The following BABAM2 variants were observed in gnomAD, a reference collection of about 807,000 sequenced individuals.
BABAM2 encodes the protein BRISC and BRCA1 A complex member 2, also known as BRISC and BRCA1-A complex member 2.
In BABAM2, 31 loss-of-function variants were observed where a neutral mutation model predicts 54.7. The ratio of observed to expected loss-of-function variants is 0.57; its 90% CI spans 0.43 to 0.77. The LOEUF (loss-of-function observed/expected upper bound fraction) is 0.77. Ranked by LOEUF, BABAM2 falls within the 30% of genes least tolerant of loss-of-function variation. The pLI is 0.00. For synonymous variants in BABAM2, 167 were observed against 162.9 expected, an observed-to-expected ratio of 1.03 and a Z score of -0.19; for missense variants, 364 against 455.8, an observed-to-expected ratio of 0.80 and a Z score of 1.83.
At chr2:28,284,407 A>C (rs1441116638) in intron 10 of BABAM2, among the ~76,000 whole-genome samples, 2 of 152,058 alleles carry the variant, frequency 1.3e-5, no homozygotes, top group African/African-American at 2.4e-5. Context: ...AAAAAAAAAA[A>C]ACACTCACAA....
At chr2:27,940,755 A>T (rs1180301036) in intron 3 of BABAM2, among the ~76,000 whole-genome samples, 1 of 152,214 alleles carries the variant, frequency 6.6e-6, no homozygotes, top group Non-Finnish European at 1.5e-5. Flanking sequence ...CTTTGTAAGG[A>T]ATCAAGTAAA....
intron 3 of BABAM2, among the ~76,000 whole-genome samples, chr2:27,948,260 AG>A (rs756463429): frequency 1.3e-5 from 2 of 151,962 alleles, no homozygotes; most frequent in Non-Finnish European, 2.9e-5. Context: ...TGATATATAG[AG>A]ATACAGTTGA....
At chr2:28,263,470 A>G (rs77694125) in intron 10 of BABAM2, among the ~76,000 whole-genome samples, 7,269 of 152,266 alleles carry the variant, frequency 0.048, 216 homozygotes, top group Non-Finnish European at 0.06. Flanking sequence ...AAGCTTCCCA[A>G]TCCATGTGCT....
intron 7 of BABAM2, among the ~76,000 whole-genome samples, chr2:28,227,162 A>G (rs1347918335): frequency 6.6e-6 from 1 of 151,946 alleles, no homozygotes; most frequent in Non-Finnish European, 1.5e-5. Context: ...TCTCCAGAAC[A>G]TCTCTCACTT....
At chr2:27,926,002 C>A (rs758213744) in intron 2 of BABAM2, among the ~76,000 whole-genome samples, 1 of 152,090 alleles carries the variant, frequency 6.6e-6, no homozygotes, top group Non-Finnish European at 1.5e-5. Flanking sequence ...GTGATACCAT[C>A]TACAAATGCA....
rs537770905 is a variant in BABAM2, at chr2:28,068,539, C to T, written c.570+22740C>T. On this transcript the variant is annotated intron_variant, in intron 6 of 11. Coordinates refer to ENST00000379624, the MANE Select transcript of BABAM2 (RefSeq NM_199191.3). The stretch of plus-strand genomic sequence containing the variant: ...GTTTAATTGTGAAGATGGTGAAAAA[C>T]TCTTATATTCCATTTTGGAAAAATA... 2.0e-5 allele frequency among the ~76,000 whole-genome samples: 3 copies of T among 152,228 alleles called. No homozygotes were observed. The South Asian group carries it at 6.2e-4, about 32-fold the overall frequency.
intron 2 of BABAM2, among the ~76,000 whole-genome samples, chr2:27,922,699 G>GT (rs1667423247): frequency 1.3e-5 from 2 of 152,142 alleles, no homozygotes; most frequent in Non-Finnish European, 2.9e-5. Context: ...ACCAAGATAT[G>GT]TTTTTTGTTC....
chr2:28,202,230 G>A (rs1419499876), intron 7 of BABAM2, among the ~76,000 whole-genome samples: 2 of 152,258 alleles, frequency 1.3e-5, no homozygotes, highest in East Asian at 1.9e-4. Context: ...AATAAAATTC[G>A]TGACCGGGGT....
At chr2:28,319,669 G>A (rs529650461) in intron 11 of BABAM2, among the ~76,000 whole-genome samples, 1 of 152,326 alleles carries the variant, frequency 6.6e-6, no homozygotes, top group East Asian at 1.9e-4. Flanking sequence ...CTGAAGGATC[G>A]GTGCCCCATG....
chr2:28,003,186 C>T (rs537477287), intron 4 of BABAM2, among the ~76,000 whole-genome samples: 2 of 152,240 alleles, frequency 1.3e-5, no homozygotes, highest in East Asian at 3.9e-4. Flanking sequence ...GACATTAAAG[C>T]TTTGTTTTGC....
rs559026244 is a variant in BABAM2 at position 28,312,110 on chromosome 2, GC to G, written c.1088+13621del. Among the ~76,000 whole-genome samples the G allele has an allele frequency of 3.3e-5, 5 of 152,282 alleles. 1 individual carries two copies. In the East Asian group the frequency reaches 9.6e-4, roughly 29 times the overall value. On this transcript the variant is annotated intron_variant, in intron 11 of 11. Coordinates refer to ENST00000379624, the MANE Select transcript of BABAM2 (RefSeq NM_199191.3). ...TGTGGAGTCCAGCCAAGGCAGGAGG[GC>G]CAAGCCGCTTGTTTCTATCACTTCT...
At chr2:28,088,716 G>A (rs1665896686) in intron 6 of BABAM2, among the ~76,000 whole-genome samples, 1 of 152,154 alleles carries the variant, frequency 6.6e-6, no homozygotes, top group Admixed American at 6.5e-5. Flanking sequence ...AAGCTCTCCA[G>A]GGTGATTTCA....
intron 5 of BABAM2, among the ~76,000 whole-genome samples, chr2:28,036,894 CA>C (rs1215664453): frequency 1.3e-5 from 2 of 152,102 alleles, no homozygotes; most frequent in African/African-American, 4.8e-5. Context: ...CCAGTCTAGT[CA>C]AAATAGACTT....
At chr2:28,082,683 C>G (rs1665282637) in intron 6 of BABAM2, among the ~76,000 whole-genome samples, 1 of 152,128 alleles carries the variant, frequency 6.6e-6, no homozygotes, top group Non-Finnish European at 1.5e-5. Flanking sequence ...TACAGGTTTT[C>G]AGAGTATTTT....
chr2:28,312,954 T>C (rs2148286028), intron 11 of BABAM2, among the ~76,000 whole-genome samples: 1 of 152,332 alleles, frequency 6.6e-6, no homozygotes, highest in South Asian at 2.1e-4. Flanking sequence ...CCCTGATTAC[T>C]GGTCCAAAGC....
chr2:28,008,829 T>C (rs1674163785), intron 4 of BABAM2, among the ~76,000 whole-genome samples: 1 of 152,094 alleles, frequency 6.6e-6, no homozygotes, highest in South Asian at 2.1e-4. Context: ...TTCATTACTA[T>C]AGGAGAAGCA....
intron 7 of BABAM2, among the ~76,000 whole-genome samples, chr2:28,170,873 A>G (rs1477017986): frequency 1.3e-5 from 2 of 152,208 alleles, no homozygotes; most frequent in Non-Finnish European, 2.9e-5. Context: ...ATCAAATAGG[A>G]TAAAAGGACT....
rs1281874175 is a variant in BABAM2 at position 28,015,673 on chromosome 2, G to A, written c.301-9553G>A. ...AAAATTCATGCATTTTAGTAAATAT[G>A]TTATAGTTTTCACAGTTGAAATTTC... is the stretch of plus-strand genomic sequence containing the variant. On this transcript the variant is annotated intron_variant, in intron 4 of 11. Transcript: ENST00000379624. 3.7e-6 allele frequency: 3 copies of A among 808,914 alleles called. No homozygotes were observed. The East Asian group carries it at 2.1e-4, about 56-fold the overall frequency. 50.1% of individuals were successfully genotyped at this position (808,914 alleles called of 1,614,324 possible).
Position 28,167,386 on chromosome 2 carries a change from G to A in BABAM2, c.680+38006G>A, listed in dbSNP as rs77243812. Among the ~76,000 whole-genome samples, 185 of 152,140 alleles carry A rather than the reference G, an allele frequency of 1.2e-3. 1 individual carries two copies. In the East Asian group the frequency reaches 0.022, roughly 18 times the overall value. ...TTATTTCTAAATCTTTATTAATAACGGGTTATTTTTAAATGATGCCGTTTG... is the reference window on the plus strand; with the variant it reads ...TTATTTCTAAATCTTTATTAATAACAGGTTATTTTTAAATGATGCCGTTTG... On this transcript the variant is annotated intron_variant, in intron 7 of 11. Transcript: ENST00000379624.
Sources: gnomAD v4.1 joint callset for allele counts (sites outside exome capture counted in the v4.1 genomes callset) on GRCh38, gnomAD v4.1.1 for gene constraint, MANE v1.5 for transcripts, NCBI Gene and HGNC (gene_info 2026-07-23, HGNC 2026-07-21) for gene names.